The following ERBB4 variants were observed in gnomAD, a reference collection of about 807,000 sequenced individuals.
ERBB4 encodes the protein erb-b2 receptor tyrosine kinase 4, also known as receptor tyrosine-protein kinase erbB-4.
ERBB4 carries 42 observed loss-of-function variants against 158.0 expected under a neutral mutation model. That is an observed-to-expected ratio of 0.27 (90% CI 0.21 to 0.34). The LOEUF is 0.34. Among genes scored for constraint, ERBB4 ranks in the 10% least tolerant of loss-of-function variants. The probability of loss-of-function intolerance (pLI) is 1.00; values close to 1 mark genes in which losing one functional copy is unlikely to be tolerated. For missense variants in ERBB4, 1,333 were observed against 1,624.1 expected, an observed-to-expected ratio of 0.82 and a Z score of 3.08; for synonymous variants, 583 against 558.7, an observed-to-expected ratio of 1.04 and a Z score of -0.61.
At position 211,580,862 on chromosome 2, in the gene ERBB4, TA is replaced by T. The variant is rs1559317567; in HGVS notation, c.2302-18775del. ...TTATATATTATATATATAGTATGCA[TA>T]TACATATATATATATATATATATAT... is the stretch of plus-strand genomic sequence containing the variant. On this transcript the variant is annotated intron_variant, in intron 19 of 27. Coordinates refer to ENST00000342788, the MANE Select transcript of ERBB4 (RefSeq NM_005235.3). 0.015 allele frequency among the ~76,000 whole-genome samples: 74 copies of T among 4,906 alleles called. 5 individuals carry two copies. In the Admixed American group the frequency reaches 0.32, roughly 21 times the overall value. The allele number at this position is 4,906 out of a possible 152,430, so 3.2% of individuals were successfully genotyped here.
intron 1 of ERBB4, among the ~76,000 whole-genome samples, chr2:212,487,991 C>A (rs1347053476): frequency 2.0e-5 from 3 of 152,096 alleles, no homozygotes; most frequent in African/African-American, 7.2e-5. Flanking sequence ...CTCTTCTCAG[C>A]CAAGTTCATT....
chr2:211,430,989 G>A lies in ERBB4; in HGVS notation c.2599C>T (p.Leu867Phe). ...TACTCTTTTTCATCTCCTTCCAAGA[G>A]TCTGGCTAGCCCAAAATCTGTGATT... ...VKITDFGLAR[L>F]LEGDEKEYNA... is the part of the protein sequence containing the mutation. The change falls in exon 21 of 28, where the codon CTC (leucine) becomes TTC (phenylalanine). Residue 867 changes from leucine to phenylalanine, a missense_variant. Coordinates refer to ENST00000342788, the MANE Select transcript of ERBB4 (RefSeq NM_005235.3). 6.2e-7 allele frequency: 1 copy of A among 1,613,842 alleles called. No homozygotes were observed. Among genetic ancestry groups the A allele is most frequent in the Non-Finnish European group, 8.5e-7 (1 of 1,179,790 alleles).
chr2:212,372,438 G>A (rs1053907883), intron 1 of ERBB4, among the ~76,000 whole-genome samples: 11 of 152,042 alleles, frequency 7.2e-5, no homozygotes, highest in African/African-American at 2.7e-4. Flanking sequence ...CCTTTGCCTA[G>A]CTCTGAAAGC....
intron 3 of ERBB4, among the ~76,000 whole-genome samples, chr2:211,853,494 C>G (rs1175259088): frequency 6.6e-6 from 1 of 152,056 alleles, no homozygotes; most frequent in African/African-American, 2.4e-5. Flanking sequence ...CAGACCATTA[C>G]TCTGTTAGGC....
At chr2:212,335,811 C>G (rs2088412929) in intron 1 of ERBB4, among the ~76,000 whole-genome samples, 1 of 151,940 alleles carries the variant, frequency 6.6e-6, no homozygotes. Flanking sequence ...CTTTTGTTAC[C>G]TAGTTCTCCT....
chr2:211,954,504 T>C (rs752520795), intron 2 of ERBB4, among the ~76,000 whole-genome samples: 17 of 152,100 alleles, frequency 1.1e-4, no homozygotes, highest in Non-Finnish European at 2.1e-4. Context: ...TAAGAACTCA[T>C]ACACAATTAG....
At chr2:211,745,225 C>T (rs2074929610) in intron 5 of ERBB4, among the ~76,000 whole-genome samples, 1 of 152,080 alleles carries the variant, frequency 6.6e-6, no homozygotes, top group Non-Finnish European at 1.5e-5. Context: ...TGTATGGGGT[C>T]TCTGGAGGTC....
chr2:211,514,717 T>C (rs2065978627), intron 20 of ERBB4, among the ~76,000 whole-genome samples: 1 of 152,194 alleles, frequency 6.6e-6, no homozygotes, highest in Non-Finnish European at 1.5e-5. Context: ...ATCCCTTATC[T>C]GAAATGCTTG....
chr2:211,632,120 CA>C (rs2070161925), intron 16 of ERBB4, among the ~76,000 whole-genome samples: 1 of 151,998 alleles, frequency 6.6e-6, no homozygotes, highest in Non-Finnish European at 1.5e-5. Context: ...TGTTTCCTGA[CA>C]GCTCAAAGTA....
At chr2:212,023,795 C>T (rs369727664) in intron 2 of ERBB4, among the ~76,000 whole-genome samples, 11 of 151,480 alleles carry the variant, frequency 7.3e-5, no homozygotes, top group Admixed American at 3.3e-4. Context: ...TGTCTTTGAA[C>T]GGTAGTGATA....
At chr2:211,478,451 T>G (rs2065008742) in intron 20 of ERBB4, among the ~76,000 whole-genome samples, 1 of 152,174 alleles carries the variant, frequency 6.6e-6, no homozygotes, top group Admixed American at 6.6e-5. Flanking sequence ...TCACAGATTC[T>G]TCCTCTCACT....
intron 3 of ERBB4, among the ~76,000 whole-genome samples, chr2:211,802,247 A>AGACT (rs748396006): frequency 8.5e-5 from 12 of 141,412 alleles, no homozygotes; most frequent in Non-Finnish European, 1.8e-4. Context: ...CGAAAGAGCG[A>AGACT]GACTCAGTCT....
chr2:212,445,073 C>A (rs1291329006), intron 1 of ERBB4, among the ~76,000 whole-genome samples: 1 of 152,032 alleles, frequency 6.6e-6, no homozygotes, highest in Non-Finnish European at 1.5e-5. Flanking sequence ...GCAGTGGGCT[C>A]ATGCTCATGG....
chr2:211,973,566 A>G (rs2081519027), intron 2 of ERBB4, among the ~76,000 whole-genome samples: 1 of 152,220 alleles, frequency 6.6e-6, no homozygotes, highest in South Asian at 2.1e-4. Flanking sequence ...CTATTATTAA[A>G]AAGTCAAAAA....
chr2:211,470,114 A>C (rs1228613743), intron 20 of ERBB4, among the ~76,000 whole-genome samples: 2 of 152,122 alleles, frequency 1.3e-5, no homozygotes, highest in Non-Finnish European at 2.9e-5. Context: ...GCTTAAAAAA[A>C]AAGGGCTTCA....
At chr2:212,449,789 A>T (rs571397545) in intron 1 of ERBB4, among the ~76,000 whole-genome samples, 52 of 152,184 alleles carry the variant, frequency 3.4e-4, no homozygotes, top group African/African-American at 1.2e-3. Context: ...CCAGGCTTGG[A>T]TAAACACCCC....
intron 1 of ERBB4, among the ~76,000 whole-genome samples, chr2:212,184,642 G>A (rs10204399): frequency 9.4e-4 from 136 of 144,430 alleles, no homozygotes; most frequent in African/African-American, 3.1e-3. Flanking sequence ...CTTTGTGTTC[G>A]TTTGTTTTTG....
At chr2:212,109,147 C>A (rs928311792) in intron 2 of ERBB4, among the ~76,000 whole-genome samples, 3 of 152,132 alleles carry the variant, frequency 2.0e-5, no homozygotes, top group Non-Finnish European at 4.4e-5. Flanking sequence ...TGGGTGCCTA[C>A]AACATGCCAG....
In ERBB4 at chr2:211,596,306, T is replaced by C. The variant is rs73988611; in HGVS notation, c.2301+22871A>G. 7.2e-3 allele frequency among the ~76,000 whole-genome samples: 1,089 copies of C among 152,110 alleles called. 16 individuals are homozygous for C. Among genetic ancestry groups the C allele is most frequent in the African/African-American group, 0.024 (990 of 41,510 alleles). On this transcript the variant is annotated intron_variant, in intron 19 of 27. Coordinates refer to ENST00000342788, the MANE Select transcript of ERBB4 (RefSeq NM_005235.3). ...AAATGTCCAATAAAGAGGAAGTACA[T>C]GAAATGGTGTTTTATTTTCATTTTT...
Sources: gnomAD v4.1 joint callset for allele counts (sites outside exome capture counted in the v4.1 genomes callset) on GRCh38, gnomAD v4.1.1 for gene constraint, MANE v1.5 for transcripts, NCBI Gene and HGNC (gene_info 2026-07-23, HGNC 2026-07-21) for gene names.